THNSL2: variants seen among roughly 807,000 people sequenced by gnomAD.
THNSL2 encodes threonine synthase-like 2.
A neutral mutation model predicts 40.0 loss-of-function variants in THNSL2; 34 were observed. That is an observed-to-expected ratio of 0.85 (90% CI 0.65 to 1.13). The LOEUF is 1.13. THNSL2 is among the 50% of genes most tolerant of loss of function. The probability of loss-of-function intolerance (pLI) is 0.00; values close to 1 mark genes in which losing one functional copy is unlikely to be tolerated. For missense variants in THNSL2, 537 were observed against 608.8 expected (o/e 0.88, Z 1.24); for synonymous variants, 241 against 247.5 (o/e 0.97, Z 0.25).
chr2:88,185,942 C>T lies in THNSL2; in HGVS notation c.1274C>T (p.Pro425Leu), dbSNP rs1369365555. Residue 425 changes from proline to leucine, a missense_variant, in exon 9 of 9, where the codon CCG becomes CTG. Pro to Leu is a moderately conservative substitution (Grantham distance 98). Transcript: ENST00000674334. ...GCCCCTGCCTCTGCAGCCAAGTTCC[C>T]GGAAGCTGTCCTGGCTGCTGGCCTG... is the stretch of plus-strand genomic sequence containing the variant. ...CLAPASAAKF[P>L]EAVLAAGLTP... is the part of the protein sequence containing the mutation. The T allele has an allele frequency of 6.8e-6, 11 of 1,612,226 alleles. No homozygotes were observed. The highest frequency in any genetic ancestry group is 4.0e-5 in the African/African-American group (3 of 74,988).
At position 88,182,867 on chromosome 2, in the gene THNSL2, G is replaced by T. The variant is rs1677845106; in HGVS notation, c.951+20G>T. ...ATTCAGGTAGGCCTGGGGGAGGTGTGCAGATCTGGCCCAGGTGTTGGTTGG... is the reference window on the plus strand; with the variant it reads ...ATTCAGGTAGGCCTGGGGGAGGTGTTCAGATCTGGCCCAGGTGTTGGTTGG... On this transcript the variant is annotated intron_variant, in intron 6 of 8. Coordinates refer to ENST00000674334, the MANE Select transcript of THNSL2 (RefSeq NM_018271.5). The T allele has an allele frequency of 6.2e-7, 1 of 1,613,646 alleles. No homozygotes were observed. The highest frequency in any genetic ancestry group is 1.7e-5 in the Admixed American group (1 of 60,016).
rs759265395 is a variant in THNSL2 at position 88,175,317 on chromosome 2, G to T, written c.487G>T (p.Val163Phe). ...AGGGGCAAAGAACATGGACATTATC[G>T]TTCTGCTGCCCAAAGGTCACTGCAC... Reference protein sequence around the residue: ...VQGAKNMDIIVLLPKGHCTKI... With the variant: ...VQGAKNMDIIFLLPKGHCTKI... The change falls in exon 4 of 9, where the codon GTT becomes TTT. Residue 163 changes from valine (V) to phenylalanine (F), a missense_variant. Val to Phe is a conservative substitution (Grantham distance 50). Transcript: ENST00000674334. 6.2e-7 allele frequency: 1 copy of T among 1,614,184 alleles called. No individual in the cohort carries two copies. The highest frequency in any genetic ancestry group is 2.2e-5 in the East Asian group (1 of 44,868).
intron 2 of THNSL2, among the ~76,000 whole-genome samples, chr2:88,173,869 T>A (rs1676629376): frequency 6.6e-6 from 1 of 152,170 alleles, no homozygotes; most frequent in Non-Finnish European, 1.5e-5. Flanking sequence ...ATTCAGTAGG[T>A]CTGGGGTAGG....
At position 88,185,475 on chromosome 2, in the gene THNSL2, C is replaced by T; in HGVS notation, c.1225C>T (p.Pro409Ser). The change falls in exon 8 of 9, where the codon CCC becomes TCC. Residue 409 changes from proline to serine, a missense_variant. Pro to Ser is a moderately conservative substitution (Grantham distance 74). Coordinates refer to ENST00000674334, the MANE Select transcript of THNSL2 (RefSeq NM_018271.5). ...YHYQQIDRQQ[P>S]STPRCCLAPA... is the part of the protein sequence containing the mutation. ...TTACCAGCAGATAGACAGGCAGCAG[C>T]CCAGGTACAGGCAATGGGGGCCTGG... is the stretch of plus-strand genomic sequence containing the variant. The T allele has an allele frequency of 6.2e-7, 1 of 1,606,380 alleles. No homozygotes were observed. The highest frequency in any genetic ancestry group is 1.1e-5 in the South Asian group (1 of 89,876).
rs1302595903 is a variant in THNSL2, at chr2:88,173,356, C to T, written c.206C>T (p.Pro69Leu). ...CTCTTCATTGGCTCTGAGCTCCTTC[C>T]AAAAGATGAATTAAATGGTGAGTGC... ...CALFIGSELL[P>L]KDELNDLIDR... Residue 69 changes from proline to leucine, a missense_variant, in exon 2 of 9, where the codon CCA becomes CTA. Physicochemically the swap from Pro to Leu is moderately conservative, Grantham distance 98 (BLOSUM62 -3). Transcript: ENST00000674334. The T allele has an allele frequency of 6.2e-7, 1 of 1,605,026 alleles. No individual in the cohort carries two copies. The highest frequency in any genetic ancestry group is 8.5e-7 in the Non-Finnish European group (1 of 1,175,676).
chr2:88,171,139 GATTTTCTTCCTCAACT>G, intron 1 of THNSL2: 2 of 387,460 alleles, frequency 5.2e-6, no homozygotes, highest in South Asian at 3.8e-5. Flanking sequence ...AACAGCACTT[GATTTTCTTCCTCAACT>G]TCACCACCTC....
chr2:88,178,141 T>G (rs1677138863), intron 4 of THNSL2, among the ~76,000 whole-genome samples: 1 of 152,214 alleles, frequency 6.6e-6, no homozygotes, highest in East Asian at 1.9e-4. Context: ...ATATAACTTG[T>G]ATTAGTGGAC....
In THNSL2 at chr2:88,173,226, G is replaced by C; in HGVS notation, c.76G>C (p.Asp26His). The C allele has an allele frequency of 6.2e-7, 1 of 1,611,270 alleles. No individual in the cohort carries two copies. The highest frequency in any genetic ancestry group is 1.1e-5 in the South Asian group (1 of 90,922). Residue 26 changes from aspartate (D) to histidine (H), a missense_variant, in exon 2 of 9, where the codon GAC becomes CAC. Physicochemically the swap from Asp to His is moderately conservative, Grantham distance 81 (BLOSUM62 -1). Coordinates refer to ENST00000674334, the MANE Select transcript of THNSL2 (RefSeq NM_018271.5). The stretch of plus-strand genomic sequence containing the variant: ...GGCCCTCTTCTCTGGCTATGCACCT[G>C]ACGGGGGCCTCTTTATGCCTGAAGA... ...EGALFSGYAP[D>H]GGLFMPEELP...
chr2:88,173,678 G>T (rs916201247), intron 2 of THNSL2, among the ~76,000 whole-genome samples: 3 of 149,944 alleles, frequency 2.0e-5, no homozygotes, highest in Non-Finnish European at 4.4e-5. Context: ...GAATCATCTT[G>T]AGTGACTTGA....
chr2:88,182,960 A>G lies in THNSL2; in HGVS notation c.964A>G (p.Met322Val), dbSNP rs1677860422. 4.3e-6 allele frequency: 7 copies of G among 1,614,142 alleles called. No individual in the cohort carries two copies. The highest frequency in any genetic ancestry group is 1.6e-4 in the Middle Eastern group (1 of 6,062). ...SAMDIQVPYNMERVFWLLSGS... is the reference protein window; with the variant it reads ...SAMDIQVPYNVERVFWLLSGS... ...ACTTTCTGCTCAGGTGCCCTACAAC[A>G]TGGAGAGGGTGTTCTGGCTGCTCTC... The change falls in exon 7 of 9, where the codon ATG becomes GTG. Residue 322 changes from methionine (M) to valine (V), a missense_variant. Coordinates refer to ENST00000674334, the MANE Select transcript of THNSL2 (RefSeq NM_018271.5).
rs375276075 is a variant in THNSL2 at position 88,175,299 on chromosome 2, A to G, written c.469A>G (p.Lys157Glu). 1 of 1,614,230 alleles carries G rather than the reference A, an allele frequency of 6.2e-7. No homozygotes were observed. Among genetic ancestry groups the G allele is most frequent in the Non-Finnish European group, 8.5e-7 (1 of 1,180,048 alleles). Residue 157 changes from lysine (K) to glutamate (E), a missense_variant, in exon 4 of 9, where the codon AAG becomes GAG. Coordinates refer to ENST00000674334, the MANE Select transcript of THNSL2 (RefSeq NM_018271.5). ...TGCCATTGAGAGTGTTCAAGGGGCA[A>G]AGAACATGGACATTATCGTTCTGCT... Reference protein sequence around the residue: ...SAAIESVQGAKNMDIIVLLPK... With the variant: ...SAAIESVQGAENMDIIVLLPK...
Position 88,185,424 on chromosome 2 carries a change from C to CA in THNSL2, c.1175dup (p.His392GlnfsTer45). Reference sequence around the variant, plus strand: ...TGAGAACCAGTACTTGCTGTGCCCCCACTCAGCGGTGGCCGTGAACTACCA... The same window carrying CA: ...TGAGAACCAGTACTTGCTGTGCCCCCAACTCAGCGGTGGCCGTGAACTACCA... On this transcript the variant is annotated frameshift_variant, in exon 8 of 9. Coordinates refer to ENST00000674334, the MANE Select transcript of THNSL2 (RefSeq NM_018271.5). LOFTEE classifies it high-confidence loss of function. 6.2e-7 allele frequency: 1 copy of CA among 1,614,062 alleles called. No individual in the cohort carries two copies. The highest frequency in any genetic ancestry group is 8.5e-7 in the Non-Finnish European group (1 of 1,179,988).
Position 88,175,408 on chromosome 2 carries a change from G to A in THNSL2, c.571+7G>A, listed in dbSNP as rs1394398199. The A allele has an allele frequency of 6.2e-7, 1 of 1,613,902 alleles. No individual in the cohort carries two copies. Among genetic ancestry groups the A allele is most frequent in the African/African-American group, 1.3e-5 (1 of 74,930 alleles). On this transcript the variant is annotated splice_region_variant and intron_variant, in intron 4 of 8. Coordinates refer to ENST00000674334, the MANE Select transcript of THNSL2 (RefSeq NM_018271.5). ...AACGTACATGTGTTTGGAGGTGTGT[G>A]CTGAGGCAGAGGCTCTAGGGACAGT...
In THNSL2 at chr2:88,186,291, G is replaced by A; in HGVS notation, c.*168G>A. Reference sequence around the variant, plus strand: ...TCCGTTCCCTGGCTAGTCTGTGCCTGGTCACCAGGGAGGCTGAGTGAGGGG... The same window carrying A: ...TCCGTTCCCTGGCTAGTCTGTGCCTAGTCACCAGGGAGGCTGAGTGAGGGG... On this transcript the variant is annotated 3_prime_UTR_variant, in exon 9 of 9. Coordinates refer to ENST00000674334, the MANE Select transcript of THNSL2 (RefSeq NM_018271.5). 1 of 682,438 alleles carries A rather than the reference G, an allele frequency of 1.5e-6. No individual in the cohort carries two copies. Among genetic ancestry groups the A allele is most frequent in the South Asian group, 1.9e-5 (1 of 53,904 alleles). The allele number at this position is 682,438 out of a possible 1,614,324, so 42.3% of individuals were successfully genotyped here.
intron 7 of THNSL2, among the ~76,000 whole-genome samples, chr2:88,184,767 C>CA (rs1464822951): frequency 1.7e-4 from 17 of 98,888 alleles, no homozygotes; most frequent in Admixed American, 3.7e-4. Flanking sequence ...GACTCTGTCT[C>CA]AAAAAAAAGA....
At chr2:88,176,130 TC>T (rs1375695534) in intron 4 of THNSL2, 1 of 152,252 alleles carries the variant, frequency 6.6e-6, no homozygotes, top group African/African-American at 2.4e-5. Context: ...TGTTGACAGT[TC>T]CTGCTGTTCT....
At chr2:88,180,670 C>T (rs553599711) in intron 5 of THNSL2, among the ~76,000 whole-genome samples, 61 of 152,290 alleles carry the variant, frequency 4.0e-4, no homozygotes, top group African/African-American at 1.4e-3. Flanking sequence ...AAACTGCTCA[C>T]GAAAGCACCA....
chr2:88,175,928 A>G (rs1676877837), intron 4 of THNSL2: 1 of 152,718 alleles, frequency 6.5e-6, no homozygotes, highest in African/African-American at 2.4e-5. Context: ...CGAAACCCTG[A>G]CTCTATAAAA....
intron 4 of THNSL2, among the ~76,000 whole-genome samples, chr2:88,178,264 A>G (rs1677150906): frequency 6.6e-6 from 1 of 152,168 alleles, no homozygotes; most frequent in South Asian, 2.1e-4. Flanking sequence ...GTAGGAGCAG[A>G]GAGCAGAACA....
Sources: gnomAD v4.1 joint callset for allele counts (sites outside exome capture counted in the v4.1 genomes callset) on GRCh38, gnomAD v4.1.1 for gene constraint, MANE v1.5 for transcripts, NCBI Gene and HGNC (gene_info 2026-07-23, HGNC 2026-07-21) for gene names.